The following ANGPT2 variants were observed in gnomAD, a reference collection of about 807,000 sequenced individuals.
ANGPT2 encodes the protein angiopoietin-2.
A neutral mutation model predicts 62.9 loss-of-function variants in ANGPT2; 28 were observed. That is an observed-to-expected ratio of 0.44 (90% CI 0.33 to 0.61). The LOEUF is 0.61. Ranked by LOEUF, ANGPT2 falls within the 20% of genes least tolerant of loss-of-function variation. The probability of loss-of-function intolerance (pLI) is 0.03; values close to 1 mark genes in which losing one functional copy is unlikely to be tolerated. For synonymous variants in ANGPT2, 284 were observed against 207.8 expected, an observed-to-expected ratio of 1.37 and a Z score of -3.15; for missense variants, 727 against 594.9, an observed-to-expected ratio of 1.22 and a Z score of -2.31.
chr8:6,558,966 T>C (rs989569271), intron 1 of ANGPT2, among the ~76,000 whole-genome samples: 1 of 152,186 alleles, frequency 6.6e-6, no homozygotes, highest in African/African-American at 2.4e-5. Flanking sequence ...GCAGTTCCCC[T>C]ACCATAGTGA....
chr8:6,556,060 G>A (rs144150168), intron 1 of ANGPT2, among the ~76,000 whole-genome samples: 7 of 152,270 alleles, frequency 4.6e-5, no homozygotes, highest in East Asian at 1.9e-4. Context: ...CCCTGCACTC[G>A]TCTCAAGATC....
chr8:6,527,460 A>G lies in ANGPT2; in HGVS notation c.566+95T>C, dbSNP rs1818542211. 13 of 1,473,706 alleles carry G rather than the reference A, an allele frequency of 8.8e-6. No homozygotes were observed. In the South Asian group the frequency reaches 1.3e-4, roughly 14 times the overall value. 91.3% of individuals were successfully genotyped at this position (1,473,706 alleles called of 1,614,324 possible). On this transcript the variant is annotated intron_variant, in intron 3 of 8. Transcript: ENST00000629816. The stretch of plus-strand genomic sequence containing the variant: ...TCTGACCCTTACACTAGACATGAAG[A>G]AACTCACCATTCTGATAATTCATCA...
rs114373469 is a variant in ANGPT2 at position 6,499,644 on chromosome 8, G to C, written c.*3457C>G. 5.8e-6 allele frequency: 3 copies of C among 517,068 alleles called. No individual in the cohort carries two copies. The South Asian group carries it at 7.2e-5, about 12-fold the overall frequency. 32.0% of individuals were successfully genotyped at this position (517,068 alleles called of 1,614,324 possible). A position where few individuals can be genotyped will look rare whatever the true frequency, so the allele number is the denominator to read the frequency against. ...ATAATGACTCAGATTTCTTGTTATC[G>C]TGAGACTTTTTCTCAATCAACTTTT... On this transcript the variant is annotated 3_prime_UTR_variant, in exon 9 of 9. Transcript: ENST00000629816.
At chr8:6,535,025 C>A (rs1422457209) in intron 1 of ANGPT2, among the ~76,000 whole-genome samples, 1 of 152,166 alleles carries the variant, frequency 6.6e-6, no homozygotes, top group Non-Finnish European at 1.5e-5. Context: ...AAGTTTCATT[C>A]CGGGAGGCTT....
chr8:6,555,833 T>C (rs943810231), intron 1 of ANGPT2, among the ~76,000 whole-genome samples: 1 of 152,220 alleles, frequency 6.6e-6, no homozygotes, highest in African/African-American at 2.4e-5. Context: ...ACCAATTCTA[T>C]TACAAGGTGG....
At chr8:6,517,393 G>C (rs770321147) in intron 5 of ANGPT2, among the ~76,000 whole-genome samples, 1 of 152,216 alleles carries the variant, frequency 6.6e-6, no homozygotes, top group East Asian at 1.9e-4. Context: ...CAGGTGTCCT[G>C]TGAAATTTAG....
At chr8:6,543,746 G>A (rs770745926) in intron 1 of ANGPT2, among the ~76,000 whole-genome samples, 2 of 152,146 alleles carry the variant, frequency 1.3e-5, no homozygotes, top group African/African-American at 4.8e-5. Context: ...CTGTCCCTTC[G>A]ACCTCTGGTT....
At chr8:6,517,315 G>A (rs978940983) in intron 5 of ANGPT2, among the ~76,000 whole-genome samples, 1 of 152,160 alleles carries the variant, frequency 6.6e-6, no homozygotes, top group Non-Finnish European at 1.5e-5. Context: ...TACTTGACTT[G>A]CTTCAACTCT....
At position 6,499,951 on chromosome 8, in the gene ANGPT2, G is replaced by A. The variant is rs762463911; in HGVS notation, c.*3150C>T. On this transcript the variant is annotated 3_prime_UTR_variant, in exon 9 of 9. Transcript: ENST00000629816. ...TCCCGTAAGTCAGATGTTGTTTTAC[G>A]ATGGTAAATGCAGTTTGCTGTTCTC... 4.3e-5 allele frequency: 69 copies of A among 1,595,922 alleles called. No homozygotes were observed. In the Admixed American group the frequency reaches 9.5e-4, roughly 22 times the overall value.
chr8:6,502,443 G>C lies in ANGPT2; in HGVS notation c.*658C>G, dbSNP rs1297577061. ...CTGGAAGTTTCTACCATATAAATTT[G>C]AAATACGTATTTGAGCATTAACTTA... On this transcript the variant is annotated 3_prime_UTR_variant, in exon 9 of 9. Coordinates refer to ENST00000629816, the MANE Select transcript of ANGPT2 (RefSeq NM_001118887.2). The C allele has an allele frequency of 1.3e-5, 2 of 152,122 alleles. No individual in the cohort carries two copies. Among genetic ancestry groups the C allele is most frequent in the East Asian group, 1.9e-4 (1 of 5,196 alleles). 9.4% of individuals were successfully genotyped at this position (152,122 alleles called of 1,614,324 possible). A position where few individuals can be genotyped will look rare whatever the true frequency, so the allele number is the denominator to read the frequency against.
intron 5 of ANGPT2, 85 bp downstream of exon 5, chr8:6,519,779 G>A: frequency 2.0e-6 from 3 of 1,506,982 alleles, no homozygotes; most frequent in Non-Finnish European, 2.7e-6. Flanking sequence ...GATCTTTGGG[G>A]AGAGACTTCT....
In ANGPT2 at chr8:6,549,159, C is replaced by G. The variant is rs116986477; in HGVS notation, c.288+13488G>C. Among the ~76,000 whole-genome samples the G allele has an allele frequency of 3.1e-3, 470 of 152,298 alleles. 26 individuals carry two copies. The East Asian group carries it at 0.085, about 28-fold the overall frequency. ...AGATAGCAGTACAAGAAAAATGATACATGGGTTTGTACAGTTGAGTGTTGA... is the reference window on the plus strand; with the variant it reads ...AGATAGCAGTACAAGAAAAATGATAGATGGGTTTGTACAGTTGAGTGTTGA... On this transcript the variant is annotated intron_variant, in intron 1 of 8. Coordinates refer to ENST00000629816, the MANE Select transcript of ANGPT2 (RefSeq NM_001118887.2).
chr8:6,557,820 G>A (rs949432999), intron 1 of ANGPT2, among the ~76,000 whole-genome samples: 31 of 152,180 alleles, frequency 2.0e-4, no homozygotes, highest in African/African-American at 6.3e-4. Context: ...CAGTCTGTCC[G>A]TGTTCATGAT....
Position 6,505,429 on chromosome 8 carries a change from T to TATATATTCTTTATATACATAAAGA in ANGPT2, c.1328-2169_1328-2168insTCTTTATGTATATAAAGAATATAT, listed in dbSNP as rs1813324016. Among the ~76,000 whole-genome samples the TATATATTCTTTATATACATAAAGA allele has an allele frequency of 3.9e-5, 3 of 77,608 alleles. 1 individual carries two copies. Among genetic ancestry groups the TATATATTCTTTATATACATAAAGA allele is most frequent in the African/African-American group, 1.3e-4 (3 of 23,298 alleles). The allele number at this position is 77,608 out of a possible 152,430, so 50.9% of individuals were successfully genotyped here. A position where few individuals can be genotyped will look rare whatever the true frequency, so the allele number is the denominator to read the frequency against. ...ATATATTCTTTATATACATAAAGAA[T>TATATATTCTTTATATACATAAAGA]ATATATATTCTTTATATACATATAG... is the stretch of plus-strand genomic sequence containing the variant. On this transcript the variant is annotated intron_variant, in intron 8 of 8. Transcript: ENST00000629816.
chr8:6,518,175 G>C (rs898753010), intron 5 of ANGPT2, among the ~76,000 whole-genome samples: 1 of 152,142 alleles, frequency 6.6e-6, no homozygotes, highest in Admixed American at 6.5e-5. Context: ...ATGGTTAGCG[G>C]CTGTCCCTCT....
Position 6,500,006 on chromosome 8 carries a change from T to C in ANGPT2, c.*3095A>G. The C allele has an allele frequency of 7.9e-7, 1 of 1,271,666 alleles. No individual in the cohort carries two copies. The highest frequency in any genetic ancestry group is 1.1e-6 in the Non-Finnish European group (1 of 870,306). The allele number at this position is 1,271,666 out of a possible 1,614,324, so 78.8% of individuals were successfully genotyped here. The stretch of plus-strand genomic sequence containing the variant: ...AATTATTATAAACATAAGGGTGGAC[T>C]TAAGTTTTTATCCAGTCAAGCACAA... On this transcript the variant is annotated 3_prime_UTR_variant, in exon 9 of 9. Transcript: ENST00000629816.
At chr8:6,538,134 T>C (rs1214284521) in intron 1 of ANGPT2, among the ~76,000 whole-genome samples, 1 of 152,086 alleles carries the variant, frequency 6.6e-6, no homozygotes, top group African/African-American at 2.4e-5. Context: ...GATCCATCCA[T>C]CTTCCCACCC....
intron 1 of ANGPT2, among the ~76,000 whole-genome samples, chr8:6,543,759 G>C (rs977376857): frequency 7.2e-5 from 11 of 152,096 alleles, no homozygotes; most frequent in African/African-American, 2.4e-4. Flanking sequence ...CTCTGGTTCA[G>C]TTCCCATTCT....
chr8:6,511,021 T>C (rs996839150), intron 7 of ANGPT2, among the ~76,000 whole-genome samples: 4 of 152,238 alleles, frequency 2.6e-5, no homozygotes, highest in Admixed American at 1.3e-4. Context: ...CCATTAATCA[T>C]AGACAGGATT....
Sources: gnomAD v4.1 joint callset for allele counts (sites outside exome capture counted in the v4.1 genomes callset) on GRCh38, gnomAD v4.1.1 for gene constraint, MANE v1.5 for transcripts, NCBI Gene and HGNC (gene_info 2026-07-23, HGNC 2026-07-21) for gene names.